The following ATXN1 variants were observed in gnomAD, a reference collection of about 807,000 sequenced individuals.
ATXN1 encodes ataxin 1, also known as ataxin-1.
A neutral mutation model predicts 56.4 loss-of-function variants in ATXN1; 8 were observed. The observed-to-expected ratio is 0.14, with a 90% CI of 0.08 to 0.26. The LOEUF (loss-of-function observed/expected upper bound fraction) is 0.26, where lower values mean the gene tolerates loss of function less well. Among genes scored for constraint, ATXN1 ranks in the 10% least tolerant of loss-of-function variants. The probability of loss-of-function intolerance (pLI) is 1.00; values close to 1 mark genes in which losing one functional copy is unlikely to be tolerated. For synonymous variants in ATXN1, 514 were observed against 494.6 expected (o/e 1.04, Z -0.52); for missense variants, 987 against 1,106.5 (o/e 0.89, Z 1.53).
At chr6:16,391,800 G>T (rs573529526) in intron 6 of ATXN1, among the ~76,000 whole-genome samples, 11 of 152,290 alleles carry the variant, frequency 7.2e-5, no homozygotes, top group African/African-American at 2.4e-4. Flanking sequence ...GGGCTTTGTT[G>T]TGGACTCCAG....
chr6:16,681,467 C>T (rs1018648768), intron 2 of ATXN1, among the ~76,000 whole-genome samples: 8 of 152,222 alleles, frequency 5.3e-5, no homozygotes, highest in African/African-American at 1.7e-4. Flanking sequence ...TTAAGGAATA[C>T]CAAGTCAGAG....
intron 3 of ATXN1, among the ~76,000 whole-genome samples, chr6:16,610,858 TAAA>T (rs10719124): frequency 2.9e-5 from 4 of 136,328 alleles, no homozygotes; most frequent in Non-Finnish European, 4.7e-5. Flanking sequence ...ACGTCATCTA[TAAA>T]AAAAAAAAAA....
chr6:16,413,123 G>A (rs1363028609), intron 6 of ATXN1, among the ~76,000 whole-genome samples: 1 of 152,228 alleles, frequency 6.6e-6, no homozygotes, highest in Non-Finnish European at 1.5e-5. Flanking sequence ...TCGTTTAAAT[G>A]TGCCAGTCAT....
intron 3 of ATXN1, among the ~76,000 whole-genome samples, chr6:16,612,167 A>G (rs1027653051): frequency 3.5e-4 from 53 of 151,994 alleles, no homozygotes; most frequent in African/African-American, 1.3e-3. Context: ...CCAGCAGATG[A>G]AAATTTAATA....
At chr6:16,622,449 A>G (rs543908442) in intron 3 of ATXN1, among the ~76,000 whole-genome samples, 6 of 152,322 alleles carry the variant, frequency 3.9e-5, no homozygotes, top group African/African-American at 1.4e-4. Flanking sequence ...GAATAGGTAC[A>G]GCCCACATTA....
At chr6:16,513,705 C>T (rs1392462520) in intron 5 of ATXN1, among the ~76,000 whole-genome samples, 1 of 152,022 alleles carries the variant, frequency 6.6e-6, no homozygotes, top group Non-Finnish European at 1.5e-5. Context: ...GTGGGAGAAA[C>T]TTCATCAAGA....
rs778313653 is a variant in ATXN1 at position 16,327,550 on chromosome 6, G to A, written c.761C>T (p.Pro254Leu). The change falls in exon 7 of 8, where the codon CCG (proline) becomes CTG (leucine). Residue 254 changes from proline (P) to leucine (L), a missense_variant. Around this residue, in one of 3 missense-constraint regions of ATXN1, gnomAD observed 723 missense variants for 791.7 expected, o/e 0.91. Coordinates refer to ENST00000436367, the MANE Select transcript of ATXN1 (RefSeq NM_001128164.2). ...QNQYVHISSS[P>L]QNTGRTASPP... ...AGAGGCGGTGCGGCCGGTGTTCTGCGGAGAACTGGAAATGTGGACGTACTG... is the reference window on the plus strand; with the variant it reads ...AGAGGCGGTGCGGCCGGTGTTCTGCAGAGAACTGGAAATGTGGACGTACTG... 2.1e-5 allele frequency: 33 copies of A among 1,607,404 alleles called. No individual in the cohort carries two copies. Among genetic ancestry groups the A allele is most frequent in the South Asian group, 2.2e-5 (2 of 90,374 alleles).
rs757519665 is a variant in ATXN1, at chr6:16,327,603, C to T, written c.708G>A (p.Pro236=). ...HLSRAPGLIT[P]GSPPPAQQNQ... is the part of the protein sequence containing the mutation. ...TCTGCTGGGCTGGTGGGGGGGACCC[C>T]GGGGTGATGAGCCCCGGAGCCCTGC... The change falls in exon 7 of 8, where the codon CCG becomes CCA. Residue 236 remains proline, a synonymous_variant. Coordinates refer to ENST00000436367, the MANE Select transcript of ATXN1 (RefSeq NM_001128164.2). 59 of 1,592,064 alleles carry T rather than the reference C, an allele frequency of 3.7e-5. No individual in the cohort carries two copies. Among genetic ancestry groups the T allele is most frequent in the Non-Finnish European group, 4.6e-5 (54 of 1,170,678 alleles).
chr6:16,602,470 T>C (rs184110145), intron 3 of ATXN1, among the ~76,000 whole-genome samples: 1 of 151,702 alleles, frequency 6.6e-6, no homozygotes, highest in African/African-American at 2.4e-5. Context: ...TTTTTTTTTT[T>C]AGATGGAGTC....
chr6:16,637,502 TAAATA>T (rs199793999), intron 3 of ATXN1, among the ~76,000 whole-genome samples: 2,102 of 151,288 alleles, frequency 0.014, 27 homozygotes, highest in Middle Eastern at 0.027. Flanking sequence ...TAATAAAAAA[TAAATA>T]AAATAAAATA....
intron 4 of ATXN1, among the ~76,000 whole-genome samples, chr6:16,553,990 G>A (rs1405880547): frequency 2.0e-5 from 3 of 152,192 alleles, no homozygotes; most frequent in Non-Finnish European, 4.4e-5. Flanking sequence ...ATCTTTGAAG[G>A]ACAGGGCAGC....
intron 6 of ATXN1, among the ~76,000 whole-genome samples, chr6:16,428,028 T>C (rs1445388182): frequency 6.6e-6 from 1 of 152,144 alleles, no homozygotes; most frequent in South Asian, 2.1e-4. Context: ...CTGACTTTAA[T>C]GTTCATGGAC....
At chr6:16,579,145 G>C (rs1449803180) in intron 4 of ATXN1, among the ~76,000 whole-genome samples, 1 of 152,168 alleles carries the variant, frequency 6.6e-6, no homozygotes, top group Admixed American at 6.5e-5. Flanking sequence ...AAGGGGTTAA[G>C]CATCTGGAAG....
At chr6:16,566,248 C>A (rs1297108128) in intron 4 of ATXN1, among the ~76,000 whole-genome samples, 1 of 152,114 alleles carries the variant, frequency 6.6e-6, no homozygotes, top group Non-Finnish European at 1.5e-5. Context: ...CATGTTTTTG[C>A]ATCCAGATAT....
chr6:16,413,296 G>A lies in ATXN1; in HGVS notation c.-161+72676C>T, dbSNP rs570009435. ...CCAGGCCTGTCTAGTTCTTAAATCCGTGTTCTTCCCATATACCATGCTGCC... is the reference window on the plus strand; with the variant it reads ...CCAGGCCTGTCTAGTTCTTAAATCCATGTTCTTCCCATATACCATGCTGCC... On this transcript the variant is annotated intron_variant, in intron 6 of 7. Coordinates refer to ENST00000436367, the MANE Select transcript of ATXN1 (RefSeq NM_001128164.2). Among the ~76,000 whole-genome samples, 12 of 151,686 alleles carry A rather than the reference G, an allele frequency of 7.9e-5. No homozygotes were observed. The East Asian group carries it at 1.2e-3, about 15-fold the overall frequency.
At chr6:16,588,193 C>A (rs1343346396) in intron 3 of ATXN1, among the ~76,000 whole-genome samples, 1 of 152,178 alleles carries the variant, frequency 6.6e-6, no homozygotes, top group Non-Finnish European at 1.5e-5. Flanking sequence ...CGGCACCACC[C>A]TGGCTCATCT....
chr6:16,467,041 A>T (rs534348948), intron 6 of ATXN1, among the ~76,000 whole-genome samples: 2 of 152,322 alleles, frequency 1.3e-5, no homozygotes, highest in South Asian at 4.1e-4. Context: ...CCACATCCTG[A>T]TGCACAAGGG....
chr6:16,404,150 G>C (rs1435203555), intron 6 of ATXN1, among the ~76,000 whole-genome samples: 1 of 151,840 alleles, frequency 6.6e-6, no homozygotes, highest in Admixed American at 6.6e-5. Flanking sequence ...GGAGGTGGGG[G>C]GAGCAAATAA....
intron 4 of ATXN1, among the ~76,000 whole-genome samples, chr6:16,539,501 A>G (rs1282888847): frequency 6.6e-6 from 1 of 152,208 alleles, no homozygotes; most frequent in Non-Finnish European, 1.5e-5. Context: ...GCAGAGAGAT[A>G]AAGGAACCCT....
Sources: allele counts gnomAD v4.1 joint callset (sites outside exome capture counted in the v4.1 genomes callset), GRCh38; gene constraint gnomAD v4.1.1; regional missense constraint gnomAD v4.1.1; transcripts MANE v1.5; gene names NCBI Gene and HGNC (gene_info 2026-07-23, HGNC 2026-07-21).